Variants in NLGN1 observed in about 807,000 individuals in gnomAD.
NLGN1 encodes the protein neuroligin-1.
A neutral mutation model predicts 65.5 loss-of-function variants in NLGN1; 12 were observed. The ratio of observed to expected loss-of-function variants is 0.18; its 90% CI spans 0.12 to 0.30. The LOEUF is 0.30. Ranked by LOEUF, NLGN1 falls within the 10% of genes least tolerant of loss-of-function variation. The pLI, the probability that NLGN1 is intolerant of heterozygous loss-of-function variation, is 1.00. For missense variants in NLGN1, 750 were observed against 1,007.1 expected, an observed-to-expected ratio of 0.74 and a Z score of 3.46; for synonymous variants, 350 against 359.5, an observed-to-expected ratio of 0.97 and a Z score of 0.30.
intron 2 of NLGN1, among the ~76,000 whole-genome samples, chr3:173,544,130 G>A (rs1284691511): frequency 1.3e-5 from 2 of 152,038 alleles, no homozygotes; most frequent in Non-Finnish European, 2.9e-5. Flanking sequence ...GCGGGTAATA[G>A]TGGAATAAGG....
chr3:174,099,560 A>T (rs1711922855), intron 4 of NLGN1, among the ~76,000 whole-genome samples: 1 of 152,194 alleles, frequency 6.6e-6, no homozygotes, highest in Non-Finnish European at 1.5e-5. Flanking sequence ...ACTTCTGAGG[A>T]TTAAAGGTGA....
At chr3:173,863,125 G>A (rs1200410597) in intron 4 of NLGN1, among the ~76,000 whole-genome samples, 1 of 150,562 alleles carries the variant, frequency 6.6e-6, no homozygotes, top group Non-Finnish European at 1.5e-5. Flanking sequence ...CAATGTGAGC[G>A]ATGGCTGATA....
intron 2 of NLGN1, among the ~76,000 whole-genome samples, chr3:173,455,734 G>A (rs971262511): frequency 1.3e-5 from 2 of 151,912 alleles, no homozygotes; most frequent in African/African-American, 2.4e-5. Flanking sequence ...ATATATGTGT[G>A]TATATATATG....
chr3:174,228,539 A>G (rs1740128580), intron 4 of NLGN1, among the ~76,000 whole-genome samples: 1 of 152,150 alleles, frequency 6.6e-6, no homozygotes, highest in Non-Finnish European at 1.5e-5. Context: ...GTCATAAAAT[A>G]TCTTTTAGAA....
intron 2 of NLGN1, among the ~76,000 whole-genome samples, chr3:173,466,977 A>G (rs902613567): frequency 1.3e-5 from 2 of 152,154 alleles, no homozygotes; most frequent in African/African-American, 2.4e-5. Flanking sequence ...TTTATAACAC[A>G]TATTTTGAAT....
chr3:174,006,839 T>G (rs1309144651), intron 4 of NLGN1, among the ~76,000 whole-genome samples: 2 of 151,762 alleles, frequency 1.3e-5, no homozygotes, highest in African/African-American at 4.8e-5. Flanking sequence ...GAGGCCGAGG[T>G]AGGTGGATCA....
chr3:174,267,935 C>T (rs566186178), intron 4 of NLGN1, among the ~76,000 whole-genome samples: 1 of 152,180 alleles, frequency 6.6e-6, no homozygotes, highest in Admixed American at 6.5e-5. Flanking sequence ...ACAAAGCACA[C>T]ACACACATAG....
At chr3:173,534,457 C>A (rs1577143136) in intron 2 of NLGN1, among the ~76,000 whole-genome samples, 1 of 152,144 alleles carries the variant, frequency 6.6e-6, no homozygotes, top group Non-Finnish European at 1.5e-5. Context: ...TGTCTTCAAT[C>A]ATTTCTTTCT....
At chr3:173,832,537 A>C (rs1038651214) in intron 4 of NLGN1, among the ~76,000 whole-genome samples, 2 of 152,226 alleles carry the variant, frequency 1.3e-5, no homozygotes, top group African/African-American at 4.8e-5. Context: ...GTAAACATTA[A>C]AAACAAAAAG....
intron 2 of NLGN1, among the ~76,000 whole-genome samples, chr3:173,523,816 A>C (rs1735172010): frequency 6.6e-6 from 1 of 151,478 alleles, no homozygotes. Flanking sequence ...TTTGATAGGA[A>C]TTGCATTTAA....
At chr3:173,496,505 T>C (rs748308739) in intron 2 of NLGN1, among the ~76,000 whole-genome samples, 5 of 151,906 alleles carry the variant, frequency 3.3e-5, no homozygotes, top group Non-Finnish European at 7.4e-5. Flanking sequence ...TAAATGTTTT[T>C]ATAAAACATG....
At position 173,831,686 on chromosome 3, in the gene NLGN1, C is replaced by G. The variant is rs372951453; in HGVS notation, c.646+23854C>G. The stretch of plus-strand genomic sequence containing the variant: ...GAAGATGTTTTTTTCATAACAATCA[C>G]GTGCATTTTATGGCTGTCTGGCCCA... On this transcript the variant is annotated intron_variant, in intron 4 of 6. Coordinates refer to ENST00000457714, the Ensembl canonical transcript of NLGN1. Among the ~76,000 whole-genome samples the G allele has an allele frequency of 1.1e-4, 17 of 152,212 alleles. No homozygotes were observed. In the East Asian group the frequency reaches 2.1e-3, roughly 19 times the overall value.
chr3:173,473,915 T>C (rs1237868070), intron 2 of NLGN1, among the ~76,000 whole-genome samples: 1 of 152,170 alleles, frequency 6.6e-6, no homozygotes, highest in East Asian at 1.9e-4. Context: ...AAATTAAGAA[T>C]GTTGGTCTCT....
chr3:174,172,510 G>A (rs1481156031), intron 4 of NLGN1, among the ~76,000 whole-genome samples: 2 of 152,026 alleles, frequency 1.3e-5, no homozygotes, highest in Non-Finnish European at 2.9e-5. Context: ...AAGAGATAGA[G>A]GTCTAGTTTT....
At chr3:173,804,123 T>C (rs921507534) in intron 3 of NLGN1, among the ~76,000 whole-genome samples, 8 of 152,136 alleles carry the variant, frequency 5.3e-5, no homozygotes, top group Non-Finnish European at 1.0e-4. Flanking sequence ...ATAAAATAGG[T>C]ACTAAAATTT....
At chr3:174,276,034 C>T (rs375493934) in intron 5 of NLGN1, among the ~76,000 whole-genome samples, 4 of 151,824 alleles carry the variant, frequency 2.6e-5, no homozygotes, top group African/African-American at 7.2e-5. Context: ...TTGATTATTT[C>T]GCATGCATGA....
intron 3 of NLGN1, among the ~76,000 whole-genome samples, chr3:173,622,400 A>G (rs1330410548): frequency 3.9e-5 from 6 of 152,090 alleles, no homozygotes; most frequent in African/African-American, 1.4e-4. Flanking sequence ...ATACACCTAG[A>G]TCATTAAAAC....
rs1294624104 is a variant in NLGN1, at chr3:174,277,379, T to A, written c.860-1482T>A. On this transcript the variant is annotated intron_variant, in intron 5 of 6. Transcript: ENST00000457714. ...AAAACAAACATACATTTTTCCCATA[T>A]TTTAGGAATCTAGGTGGCATATTTT... 1.1e-4 allele frequency among the ~76,000 whole-genome samples: 17 copies of A among 151,952 alleles called. 1 individual carries two copies. Among genetic ancestry groups the A allele is most frequent in the Admixed American group, 1.1e-3 (17 of 15,206 alleles).
intron 4 of NLGN1, among the ~76,000 whole-genome samples, chr3:174,265,940 GTATA>G (rs1235216482): frequency 1.4e-5 from 2 of 146,334 alleles, no homozygotes; most frequent in Non-Finnish European, 3.0e-5. Flanking sequence ...GTGTATATAT[GTATA>G]TATGTGTATG....
Sources: gnomAD v4.1 joint callset for allele counts (sites outside exome capture counted in the v4.1 genomes callset) on GRCh38, gnomAD v4.1.1 for gene constraint, MANE v1.5 for transcripts, NCBI Gene and HGNC (gene_info 2026-07-23, HGNC 2026-07-21) for gene names.